Variants in PDE10A observed in about 807,000 individuals in gnomAD.
PDE10A encodes the protein phosphodiesterase 10A.
In PDE10A, 39 loss-of-function variants were observed where a neutral mutation model predicts 97.7. The ratio of observed to expected loss-of-function variants is 0.40; its 90% CI spans 0.31 to 0.52. The LOEUF (loss-of-function observed/expected upper bound fraction) is 0.52, where lower values mean the gene tolerates loss of function less well. PDE10A is among the 20% of genes least tolerant of loss of function. The pLI is 0.56. For synonymous variants in PDE10A, 371 were observed against 376.8 expected (o/e 0.98, Z 0.18); for missense variants, 731 against 1,047.8 (o/e 0.70, Z 4.17).
At chr6:165,618,050 C>T (rs946735961) in intron 1 of PDE10A, among the ~76,000 whole-genome samples, 1 of 152,070 alleles carries the variant, frequency 6.6e-6, no homozygotes, top group Non-Finnish European at 1.5e-5. Context: ...GAAAAATTGT[C>T]CAGTCAAAGA....
intron 1 of PDE10A, among the ~76,000 whole-genome samples, chr6:165,608,957 T>C (rs1460463472): frequency 6.6e-6 from 1 of 152,100 alleles, no homozygotes; most frequent in East Asian, 1.9e-4. Flanking sequence ...TGTGATGGGG[T>C]TGTTTTTTTC....
At chr6:165,741,643 C>A (rs58935808) in intron 1 of PDE10A, among the ~76,000 whole-genome samples, 1 of 152,012 alleles carries the variant, frequency 6.6e-6, no homozygotes, top group Non-Finnish European at 1.5e-5. Context: ...AAAATATGCA[C>A]AGCATACTAT....
chr6:165,963,345 C>T (rs1784412790), intron 1 of PDE10A, among the ~76,000 whole-genome samples: 2 of 152,192 alleles, frequency 1.3e-5, no homozygotes, highest in South Asian at 4.1e-4. Context: ...TTTTCCAGCA[C>T]CCTCTCACTG....
chr6:165,664,075 G>A (rs116027622), upstream of PDE10A, among the ~76,000 whole-genome samples: 2,610 of 152,264 alleles, frequency 0.017, 77 homozygotes, highest in African/African-American at 0.06. Flanking sequence ...ACGGTGGCAC[G>A]GGCTGTCCGG....
intron 2 of PDE10A, among the ~76,000 whole-genome samples, chr6:165,531,445 G>C (rs1264957360): frequency 1.3e-5 from 2 of 151,886 alleles, no homozygotes; most frequent in Non-Finnish European, 2.9e-5. Flanking sequence ...CAATCTAAAT[G>C]ACTAATGATA....
At chr6:165,826,299 C>T (rs758005470) in intron 1 of PDE10A, among the ~76,000 whole-genome samples, 187 of 94,178 alleles carry the variant, frequency 2.0e-3, no homozygotes, top group African/African-American at 8.0e-3. Context: ...TCCCCATGTC[C>T]GTCTTCATGT....
intron 1 of PDE10A, among the ~76,000 whole-genome samples, chr6:165,673,822 GT>G (rs2128437213): frequency 6.6e-6 from 1 of 152,220 alleles, no homozygotes; most frequent in African/African-American, 2.4e-5. Flanking sequence ...TTTCTAAATG[GT>G]TTTAAATTTC....
At chr6:165,827,595 A>T (rs777114089) in intron 1 of PDE10A, among the ~76,000 whole-genome samples, 4 of 152,338 alleles carry the variant, frequency 2.6e-5, no homozygotes, top group Admixed American at 6.5e-5. Context: ...AATGGAGAGG[A>T]TGGTACTACT....
At chr6:165,713,096 C>T (rs771687800) in intron 1 of PDE10A, among the ~76,000 whole-genome samples, 4 of 152,202 alleles carry the variant, frequency 2.6e-5, no homozygotes, top group Non-Finnish European at 4.4e-5. Context: ...GTGCCGCACA[C>T]GTGAACTCAA....
chr6:165,415,280 T>C (rs924117221), intron 12 of PDE10A, among the ~76,000 whole-genome samples: 5 of 152,184 alleles, frequency 3.3e-5, no homozygotes, highest in African/African-American at 4.8e-5. Flanking sequence ...ACTAGAATAT[T>C]CCTATGTTTT....
At chr6:165,639,978 G>A (rs970570817) in intron 1 of PDE10A, among the ~76,000 whole-genome samples, 1 of 151,600 alleles carries the variant, frequency 6.6e-6, no homozygotes. Context: ...GCTCAGGCAG[G>A]ATGATCACCT....
chr6:165,961,147 G>T (rs1784348817), intron 1 of PDE10A, among the ~76,000 whole-genome samples: 1 of 152,122 alleles, frequency 6.6e-6, no homozygotes, highest in African/African-American at 2.4e-5. Flanking sequence ...ACCTTGCTGT[G>T]GATGCAGTTG....
chr6:165,568,062 A>ATGTG (rs1562588414), intron 1 of PDE10A, among the ~76,000 whole-genome samples: 1 of 140,610 alleles, frequency 7.1e-6, no homozygotes, highest in African/African-American at 2.7e-5. Context: ...GCAGTGGCAC[A>ATGTG]ATCTTGGCTC....
At chr6:165,943,331 AAGAAAGAAAGAAAAG>A (rs1250368120) in intron 1 of PDE10A, among the ~76,000 whole-genome samples, 1 of 103,182 alleles carries the variant, frequency 9.7e-6, no homozygotes, top group Non-Finnish European at 1.9e-5. Flanking sequence ...AAGAAAGAAA[AAGAAAGAAAGAAAAG>A]AGAAAGAAAG....
At chr6:165,904,541 C>G (rs1479132212) in intron 1 of PDE10A, among the ~76,000 whole-genome samples, 1 of 152,136 alleles carries the variant, frequency 6.6e-6, no homozygotes, top group Non-Finnish European at 1.5e-5. Flanking sequence ...TATTTTTTCT[C>G]TCTTTATGGT....
chr6:165,663,501 G>T (rs1790402694), upstream of PDE10A, among the ~76,000 whole-genome samples: 2 of 152,212 alleles, frequency 1.3e-5, no homozygotes, highest in Non-Finnish European at 2.9e-5. Context: ...GGCGAGCCAC[G>T]TCGGCCTGCC....
chr6:165,577,236 C>T (rs1286963768), intron 1 of PDE10A, among the ~76,000 whole-genome samples: 1 of 152,204 alleles, frequency 6.6e-6, no homozygotes, highest in Admixed American at 6.5e-5. Context: ...CCCATGCCAG[C>T]GTACAGCCTT....
rs531049798 is a variant in PDE10A at position 165,854,832 on chromosome 6, C to T, written c.-615+132697G>A. Among the ~76,000 whole-genome samples the T allele has an allele frequency of 2.6e-5, 4 of 152,288 alleles. No homozygotes were observed. The East Asian group carries it at 7.8e-4, about 30-fold the overall frequency. On this transcript the variant is annotated intron_variant, in intron 1 of 19. Coordinates refer to the PDE10A transcript ENST00000366882. ...AGGGCAGGGCGGCCCGTGGCCTTGG[C>T]GGCGCCCACTCCTGGCGGGGCTGGG... is the stretch of plus-strand genomic sequence containing the variant.
rs1167548733 is a variant in PDE10A at position 165,328,063 on chromosome 6, G to A, written c.*4962C>T. On this transcript the variant is annotated 3_prime_UTR_variant, in exon 22 of 22. Transcript: ENST00000539869. The stretch of plus-strand genomic sequence containing the variant: ...CAAATTTTGGTAACTATTTCACAGT[G>A]TGTTGGGCAAGCATGTAATTTCAAA... 6.6e-6 allele frequency: 1 copy of A among 152,212 alleles called. No individual in the cohort carries two copies. Among genetic ancestry groups the A allele is most frequent in the Non-Finnish European group, 1.5e-5 (1 of 68,042 alleles). 9.4% of individuals were successfully genotyped at this position (152,212 alleles called of 1,614,324 possible).
Sources: allele counts gnomAD v4.1 joint callset (sites outside exome capture counted in the v4.1 genomes callset), GRCh38; gene constraint gnomAD v4.1.1; transcripts MANE v1.5; gene names NCBI Gene and HGNC (gene_info 2026-07-23, HGNC 2026-07-21).